Variants in MEI1 observed in about 807,000 individuals in gnomAD.
The protein encoded by MEI1 is meiotic double-stranded break formation protein 1.
Under a neutral mutation model 146.2 loss-of-function variants are expected in MEI1, and 103 were observed. The ratio of observed to expected loss-of-function variants is 0.70; its 90% CI spans 0.60 to 0.83. MEI1 has a LOEUF of 0.83. Ranked by LOEUF, MEI1 falls within the 40% of genes least tolerant of loss-of-function variation. The pLI, the probability that MEI1 is intolerant of heterozygous loss-of-function variation, is 0.00. For synonymous variants in MEI1, 652 were observed against 628.2 expected, an observed-to-expected ratio of 1.04 and a Z score of -0.57; for missense variants, 1,529 against 1,533.0, an observed-to-expected ratio of 1.00 and a Z score of 0.04.
At chr22:41,713,605 A>C (rs1451845835) in intron 3 of MEI1, among the ~76,000 whole-genome samples, 1 of 152,038 alleles carries the variant, frequency 6.6e-6, no homozygotes, top group African/African-American at 2.4e-5. Context: ...CTGGAGTGCA[A>C]TGGCACGATC....
chr22:41,754,055 C>G lies in MEI1; in HGVS notation c.1951+9C>G, dbSNP rs755260810. ...ACCACCTTCCAAAGAAGGTAAGATG[C>G]TACAATTTGACCACTCATGTGGCCT... On this transcript the variant is annotated intron_variant, in intron 17 of 30. Transcript: ENST00000401548. 6.3e-7 allele frequency: 1 copy of G among 1,598,180 alleles called. No individual in the cohort carries two copies. Among genetic ancestry groups the G allele is most frequent in the Non-Finnish European group, 8.6e-7 (1 of 1,165,824 alleles).
rs745326650 is a variant in MEI1 at position 41,795,696 on chromosome 22, C to T, written c.3667-39C>T. 6.2e-7 allele frequency: 1 copy of T among 1,600,306 alleles called. No homozygotes were observed. Among genetic ancestry groups the T allele is most frequent in the East Asian group, 2.2e-5 (1 of 44,694 alleles). ...AGTTAGGGCCTGTGTGGAATGGGCACTGAGGAGGCCTGTCTTCCCTGCCCT... is the reference window on the plus strand; with the variant it reads ...AGTTAGGGCCTGTGTGGAATGGGCATTGAGGAGGCCTGTCTTCCCTGCCCT... On this transcript the variant is annotated intron_variant, in intron 29 of 30. Transcript: ENST00000401548. This position sits in a 1 kb window ranked among gnomAD's most constrained non-coding sequence, Gnocchi z 4.2.
chr22:41,761,131 G>C (rs2074459584), intron 18 of MEI1, among the ~76,000 whole-genome samples: 2 of 151,992 alleles, frequency 1.3e-5, no homozygotes, highest in Non-Finnish European at 2.9e-5. Flanking sequence ...GACCAACATG[G>C]TGAAACCCAG....
intron 30 of MEI1, 144 bp from the exon 31 acceptor site, chr22:41,799,110 C>T (rs1296580506): frequency 8.7e-6 from 6 of 688,986 alleles, no homozygotes; most frequent in East Asian, 2.9e-5. Flanking sequence ...GTGTTCAGGA[C>T]CCAATTTCAG....
intron 17 of MEI1, among the ~76,000 whole-genome samples, chr22:41,754,390 C>T (rs2073959939): frequency 6.6e-6 from 1 of 151,978 alleles, no homozygotes; most frequent in Admixed American, 6.6e-5. Context: ...TGTTCTATTT[C>T]TTCATTCATT....
chr22:41,782,349 G>A (rs942736519), intron 24 of MEI1, among the ~76,000 whole-genome samples: 3 of 152,170 alleles, frequency 2.0e-5, no homozygotes, highest in Non-Finnish European at 4.4e-5. Context: ...GCCAGCCTGC[G>A]ACCTTAAAGT....
intron 20 of MEI1, among the ~76,000 whole-genome samples, chr22:41,775,471 A>T (rs1322355823): frequency 1.3e-5 from 2 of 152,086 alleles, no homozygotes; most frequent in African/African-American, 4.8e-5. Flanking sequence ...TTGGGCTTGG[A>T]GTTAGGAGAC....
intron 6 of MEI1, among the ~76,000 whole-genome samples, chr22:41,722,614 C>T (rs1419281676): frequency 6.6e-6 from 1 of 151,692 alleles, no homozygotes; most frequent in Non-Finnish European, 1.5e-5. Flanking sequence ...CCAAATCCAT[C>T]TCCAGGAACA....
At chr22:41,761,217 A>G (rs1188075734) in intron 18 of MEI1, among the ~76,000 whole-genome samples, 1 of 151,002 alleles carries the variant, frequency 6.6e-6, no homozygotes, top group Non-Finnish European at 1.5e-5. Flanking sequence ...AGGCTGAGGC[A>G]GGAGAATCAC....
chr22:41,738,914 C>T (rs890725310), intron 11 of MEI1, among the ~76,000 whole-genome samples: 28 of 151,968 alleles, frequency 1.8e-4, no homozygotes, highest in Non-Finnish European at 4.4e-5. Context: ...TTACAGTGAG[C>T]TATGATCACA....
At chr22:41,716,507 G>C (rs1404744983) in intron 5 of MEI1, among the ~76,000 whole-genome samples, 5 of 151,036 alleles carry the variant, frequency 3.3e-5, no homozygotes, top group Non-Finnish European at 7.4e-5. Flanking sequence ...CTCCCGAGTA[G>C]CTGGGATTAC....
At chr22:41,699,836 C>A in intron 1 of MEI1, 124 bp downstream of exon 1, 1 of 1,207,054 alleles carries the variant, frequency 8.3e-7, no homozygotes, top group Non-Finnish European at 1.1e-6. Context: ...GCGCTGTGTT[C>A]ACTCTCCTCC....
chr22:41,700,399 C>T (rs1453172506), intron 1 of MEI1, among the ~76,000 whole-genome samples: 4 of 152,240 alleles, frequency 2.6e-5, no homozygotes, highest in Non-Finnish European at 5.9e-5. Flanking sequence ...GGCGCCATCT[C>T]CGCTCACTGC....
intron 17 of MEI1, 50 bp downstream of exon 17, chr22:41,754,096 G>A: frequency 7.3e-7 from 1 of 1,371,142 alleles, no homozygotes; most frequent in Non-Finnish European, 1.0e-6. Flanking sequence ...GGTCTTTAGA[G>A]TCTGGGTGCC....
At chr22:41,786,933 TG>T (rs2076008766) in intron 26 of MEI1, among the ~76,000 whole-genome samples, 1 of 152,372 alleles carries the variant, frequency 6.6e-6, no homozygotes, top group South Asian at 2.1e-4. Flanking sequence ...TGAAGGATAC[TG>T]GGGGCCCCAG....
chr22:41,766,055 T>C (rs1200585704), intron 19 of MEI1, among the ~76,000 whole-genome samples: 1 of 151,708 alleles, frequency 6.6e-6, no homozygotes, highest in Non-Finnish European at 1.5e-5. Context: ...CATGCCTGAC[T>C]AATTTTTTGT....
At chr22:41,700,449 A>G (rs376419791) in intron 1 of MEI1, among the ~76,000 whole-genome samples, 46 of 151,840 alleles carry the variant, frequency 3.0e-4, no homozygotes, top group Admixed American at 1.3e-3. Flanking sequence ...TCCTGCCTCA[A>G]CCTACCCAGT....
At chr22:41,709,053 A>T (rs2069325815) in intron 3 of MEI1, among the ~76,000 whole-genome samples, 1 of 152,234 alleles carries the variant, frequency 6.6e-6, no homozygotes, top group Non-Finnish European at 1.5e-5. Context: ...CTGTGAAGAC[A>T]TTCTATTAGT....
At chr22:41,772,302 G>T (rs2075225986) in intron 20 of MEI1, among the ~76,000 whole-genome samples, 1 of 151,970 alleles carries the variant, frequency 6.6e-6, no homozygotes, top group African/African-American at 2.4e-5. Flanking sequence ...GCTCACTGCA[G>T]CGTCAATCTT....
Sources: allele counts gnomAD v4.1 joint callset (sites outside exome capture counted in the v4.1 genomes callset), GRCh38; gene constraint gnomAD v4.1.1; non-coding constraint Gnocchi (gnomAD v3.1); transcripts MANE v1.5; gene names NCBI Gene and HGNC (gene_info 2026-07-23, HGNC 2026-07-21).